MYO3B: variants seen among roughly 807,000 people sequenced by gnomAD.
The protein encoded by MYO3B is myosin IIIB.
In MYO3B, 156 loss-of-function variants were observed where a neutral mutation model predicts 174.6. The observed-to-expected ratio is 0.89, with a 90% confidence interval of 0.78 to 1.02. MYO3B has a LOEUF of 1.02. Ranked by LOEUF, MYO3B falls within the 50% of genes least tolerant of loss-of-function variation. The probability of loss-of-function intolerance (pLI) is 0.00; values close to 1 mark genes in which losing one functional copy is unlikely to be tolerated. For missense variants in MYO3B, 1,632 were observed against 1,639.4 expected (o/e 1.00, Z 0.08); for synonymous variants, 563 against 569.1 (o/e 0.99, Z 0.15).
intron 7 of MYO3B, among the ~76,000 whole-genome samples, chr2:170,326,633 C>T (rs966274775): frequency 6.6e-6 from 1 of 152,232 alleles, no homozygotes; most frequent in African/African-American, 2.4e-5. Context: ...CTTTCTCCTG[C>T]ACTCTTCATG....
chr2:170,543,477 G>A (rs920426132), intron 31 of MYO3B, among the ~76,000 whole-genome samples: 1 of 152,032 alleles, frequency 6.6e-6, no homozygotes, highest in Non-Finnish European at 1.5e-5. Context: ...GCATATGTAA[G>A]ATTAAAAAAA....
intron 32 of MYO3B, among the ~76,000 whole-genome samples, chr2:170,619,737 CTTTTTTTTTTT>C (rs71412032): frequency 2.6e-4 from 13 of 50,778 alleles, no homozygotes; most frequent in South Asian, 1.1e-3. Context: ...CTGCCATATT[CTTTTTTTTTTT>C]TTTTTTTTTT....
At chr2:170,649,663 C>T (rs921930081) in intron 32 of MYO3B, among the ~76,000 whole-genome samples, 1 of 150,162 alleles carries the variant, frequency 6.7e-6, no homozygotes, top group Non-Finnish European at 1.5e-5. Flanking sequence ...CCCATCTCTA[C>T]AAAAAATACA....
chr2:170,538,461 C>CA (rs1239085956), intron 30 of MYO3B, among the ~76,000 whole-genome samples: 1 of 152,216 alleles, frequency 6.6e-6, no homozygotes, highest in African/African-American at 2.4e-5. Flanking sequence ...ATGGTGACTT[C>CA]ACCTAGTGCC....
intron 30 of MYO3B, among the ~76,000 whole-genome samples, chr2:170,537,310 C>G (rs929527394): frequency 6.6e-6 from 1 of 151,704 alleles, no homozygotes; most frequent in Admixed American, 6.6e-5. Context: ...GATCTCACCA[C>G]TGTACTCCAT....
intron 32 of MYO3B, among the ~76,000 whole-genome samples, chr2:170,642,224 C>T (rs528451656): frequency 3.4e-4 from 51 of 152,114 alleles, no homozygotes; most frequent in Non-Finnish European, 2.2e-4. Flanking sequence ...TTCATTCATT[C>T]GTCATTTGTT....
chr2:170,421,169 G>A (rs79715941), intron 22 of MYO3B, among the ~76,000 whole-genome samples: 5 of 152,298 alleles, frequency 3.3e-5, no homozygotes, highest in African/African-American at 1.2e-4. Context: ...CATCATAAAT[G>A]TGGGTCATCC....
At chr2:170,398,158 G>A (rs991408081) in intron 16 of MYO3B, among the ~76,000 whole-genome samples, 2 of 150,664 alleles carry the variant, frequency 1.3e-5, no homozygotes, top group Non-Finnish European at 1.5e-5. Context: ...GGGTGGCGGA[G>A]GTTTTAGTGA....
At chr2:170,596,595 G>A (rs4668287) in intron 32 of MYO3B, among the ~76,000 whole-genome samples, 97,282 of 152,080 alleles carry the variant, frequency 0.64, 34,012 homozygotes, top group East Asian at 0.98. Context: ...TCCCACCCAT[G>A]AGGTTTATAG....
rs200123254 is a variant in MYO3B, at chr2:170,520,448, C to CAT, written c.3575+918_3575+919dup. Among the ~76,000 whole-genome samples, 1,431 of 149,086 alleles carry CAT rather than the reference C, an allele frequency of 9.6e-3. 48 individuals carry two copies. The East Asian group carries it at 0.11, about 11-fold the overall frequency. On this transcript the variant is annotated intron_variant, in intron 30 of 34. Coordinates refer to ENST00000408978, the MANE Select transcript of MYO3B (RefSeq NM_138995.5). ...ATATTAAAATATGTATATATATACA[C>CAT]ATATATATATACACACACATATATA... is the stretch of plus-strand genomic sequence containing the variant.
At chr2:170,604,112 T>C (rs1046333609) in intron 32 of MYO3B, among the ~76,000 whole-genome samples, 4 of 152,188 alleles carry the variant, frequency 2.6e-5, no homozygotes, top group Non-Finnish European at 1.5e-5. Flanking sequence ...GTTATTCCAA[T>C]GAAGACAAAA....
rs1465607464 is a variant in MYO3B, at chr2:170,653,486, T to TATCA, written c.*367_*370dup. 1.0e-5 allele frequency: 2 copies of TATCA among 191,816 alleles called. No individual in the cohort carries two copies. Among genetic ancestry groups the TATCA allele is most frequent in the African/African-American group, 2.3e-5 (1 of 43,068 alleles). 11.9% of individuals were successfully genotyped at this position (191,816 alleles called of 1,614,324 possible). A position where few individuals can be genotyped will look rare whatever the true frequency, so the allele number is the denominator to read the frequency against. On this transcript the variant is annotated 3_prime_UTR_variant, in exon 35 of 35. Transcript: ENST00000408978. ...CCTGATAATATTGCTTGATTTTTCC[T>TATCA]ATCAAGTTACTTTTCAATCCATTCA...
At chr2:170,550,270 T>A (rs1271257918) in intron 32 of MYO3B, among the ~76,000 whole-genome samples, 1 of 152,190 alleles carries the variant, frequency 6.6e-6, no homozygotes, top group African/African-American at 2.4e-5. Context: ...TATAGAATTG[T>A]TATTGCTAGC....
chr2:170,305,807 C>G (rs761060409), intron 7 of MYO3B, among the ~76,000 whole-genome samples: 5 of 152,158 alleles, frequency 3.3e-5, no homozygotes, highest in Non-Finnish European at 5.9e-5. Context: ...AGGGTGATCT[C>G]AAACTCCTGG....
chr2:170,627,645 T>A (rs1207351536), intron 32 of MYO3B, among the ~76,000 whole-genome samples: 4 of 152,252 alleles, frequency 2.6e-5, no homozygotes, highest in African/African-American at 9.6e-5. Flanking sequence ...TAGAATTTTC[T>A]GTTTTTCTGT....
rs540636765 is a variant in MYO3B, at chr2:170,526,368, A to G, written c.3575+6828A>G. Among the ~76,000 whole-genome samples the G allele has an allele frequency of 5.9e-5, 9 of 152,322 alleles. No individual in the cohort carries two copies. In the South Asian group the frequency reaches 1.2e-3, roughly 21 times the overall value. ...ATAATAGTAGTAATATTAGTATGGA[A>G]AAGTTTTCTGTAAAGTTAAACTCAT... is the stretch of plus-strand genomic sequence containing the variant. On this transcript the variant is annotated intron_variant, in intron 30 of 34. Coordinates refer to ENST00000408978, the MANE Select transcript of MYO3B (RefSeq NM_138995.5).
intron 7 of MYO3B, among the ~76,000 whole-genome samples, chr2:170,243,316 T>C (rs2093156127): frequency 6.6e-6 from 1 of 152,228 alleles, no homozygotes; most frequent in Non-Finnish European, 1.5e-5. Context: ...TAGGATGACT[T>C]GGCTCTGGTC....
intron 32 of MYO3B, among the ~76,000 whole-genome samples, chr2:170,544,504 T>C (rs1242430965): frequency 6.6e-6 from 1 of 152,172 alleles, no homozygotes; most frequent in African/African-American, 2.4e-5. Flanking sequence ...AACCAGTGCT[T>C]CTGGAAAATA....
intron 25 of MYO3B, among the ~76,000 whole-genome samples, chr2:170,470,723 G>A (rs1031618560): frequency 7.2e-5 from 11 of 151,986 alleles, no homozygotes; most frequent in South Asian, 2.1e-4. Context: ...TTTCCACATC[G>A]TCTCCAACAT....
Sources: gnomAD v4.1 joint callset for allele counts (sites outside exome capture counted in the v4.1 genomes callset) on GRCh38, gnomAD v4.1.1 for gene constraint, MANE v1.5 for transcripts, NCBI Gene and HGNC (gene_info 2026-07-23, HGNC 2026-07-21) for gene names.